Variants in CNGB3 observed in about 807,000 individuals in gnomAD.
The protein encoded by CNGB3 is cyclic nucleotide gated channel subunit beta 3, also known as cyclic nucleotide-gated channel beta-3.
A neutral mutation model predicts 92.8 loss-of-function variants in CNGB3; 86 were observed. The ratio of observed to expected loss-of-function variants is 0.93; its 90% CI spans 0.78 to 1.11. The LOEUF is 1.11. Among genes scored for constraint, CNGB3 ranks in the 50% least tolerant of loss-of-function variants. CNGB3 has a pLI of 0.00. For synonymous variants in CNGB3, 333 were observed against 332.7 expected (o/e 1.00, Z -0.01); for missense variants, 1,026 against 956.8 (o/e 1.07, Z -0.95).
rs552693713 is a variant in CNGB3 at position 86,575,029 on chromosome 8, C to T, written c.*775G>A. 2.1e-4 allele frequency: 32 copies of T among 152,286 alleles called. No homozygotes were observed. The highest frequency in any genetic ancestry group is 2.1e-3 in the Admixed American group (32 of 15,298). The allele number at this position is 152,286 out of a possible 1,614,324, so 9.4% of individuals were successfully genotyped here. Reference sequence around the variant, plus strand: ...GATAAGTGTCACTTTAGCCTGTATCCTCCAGTCCAAGTCCCTTGAGCCAGA... The same window carrying T: ...GATAAGTGTCACTTTAGCCTGTATCTTCCAGTCCAAGTCCCTTGAGCCAGA... On this transcript the variant is annotated 3_prime_UTR_variant, in exon 18 of 18. Coordinates refer to ENST00000320005, the MANE Select transcript of CNGB3 (RefSeq NM_019098.5).
At chr8:86,709,000 G>A (rs1586029533) in intron 3 of CNGB3, among the ~76,000 whole-genome samples, 1 of 152,180 alleles carries the variant, frequency 6.6e-6, no homozygotes, top group East Asian at 1.9e-4. Context: ...GGTCACTCAT[G>A]TGCAGCCCAG....
chr8:86,722,451 G>A (rs1824988801), intron 3 of CNGB3, among the ~76,000 whole-genome samples: 3 of 152,172 alleles, frequency 2.0e-5, no homozygotes. Flanking sequence ...GAGGTGAAGA[G>A]TGGGACCTAT....
rs1554618420 is a variant in CNGB3, at chr8:86,726,611, AG to A, written c.257del (p.Pro86LeufsTer39). On this transcript the variant is annotated frameshift_variant, in exon 3 of 18. Transcript: ENST00000320005. LOFTEE classifies it high-confidence loss of function. ...TTGGTTCTGCTGCATTTTGAGGGTC[AG>A]GGTTTGTGGTCAGATCTCCAGAGGA... ...KNSSGDLTTNPDPQNAAEPTG... is the reference protein window; with the variant it reads ...KNSSGDLTTNXDPQNAAEPTG... 3.1e-6 allele frequency: 5 copies of A among 1,613,836 alleles called. No individual in the cohort carries two copies. The highest frequency in any genetic ancestry group is 4.2e-6 in the Non-Finnish European group (5 of 1,179,794).
At position 86,626,877 on chromosome 8, in the gene CNGB3, G is replaced by A. The variant is rs10087641; in HGVS notation, c.1481-797C>T. On this transcript the variant is annotated intron_variant, in intron 12 of 17. Transcript: ENST00000320005. ...TTTAAAACCTTGTATTTTAAGTTCT[G>A]GGGTACATGTGCAAGTTTGTTATAC... 4.8e-3 allele frequency among the ~76,000 whole-genome samples: 720 copies of A among 151,246 alleles called. 4 individuals are homozygous for A. The highest frequency in any genetic ancestry group is 0.016 in the African/African-American group (661 of 41,156).
Position 86,594,202 on chromosome 8 carries a change from C to T in CNGB3, c.1781+9891G>A, listed in dbSNP as rs149713567. 56 of 276,004 alleles carry T rather than the reference C, an allele frequency of 2.0e-4. 1 individual carries two copies. The highest frequency in any genetic ancestry group is 1.2e-3 in the African/African-American group (54 of 45,100). 17.1% of individuals were successfully genotyped at this position (276,004 alleles called of 1,614,324 possible). On this transcript the variant is annotated intron_variant, in intron 15 of 17. Coordinates refer to ENST00000320005, the MANE Select transcript of CNGB3 (RefSeq NM_019098.5). The stretch of plus-strand genomic sequence containing the variant: ...CCCACTGGGGCTCCCCCAACAGGGC[C>T]AAGACCTTCCCTAGGTCATAGAAGC...
intron 13 of CNGB3, among the ~76,000 whole-genome samples, chr8:86,614,541 T>C (rs981270739): frequency 1.3e-5 from 2 of 152,132 alleles, no homozygotes; most frequent in Non-Finnish European, 2.9e-5. Flanking sequence ...CTGTAGGTAA[T>C]GAAAATGCTT....
At chr8:86,587,131 T>C (rs1456987492) in intron 15 of CNGB3, among the ~76,000 whole-genome samples, 4 of 147,354 alleles carry the variant, frequency 2.7e-5, no homozygotes, top group Non-Finnish European at 6.0e-5. Context: ...TGCATAAATG[T>C]CTTCTTTTGA....
At chr8:86,699,210 C>A (rs1406878768) in intron 3 of CNGB3, among the ~76,000 whole-genome samples, 1 of 152,024 alleles carries the variant, frequency 6.6e-6, no homozygotes, top group African/African-American at 2.4e-5. Flanking sequence ...TTTTAAACTC[C>A]ATCTGTTGCA....
rs114638720 is a variant in CNGB3, at chr8:86,624,486, G to T, written c.1578+1497C>A. ...CAAGCCCCTCCATTAACTGCCGACT[G>T]CCTCAGCCTCCCTTTTTTTTCACTC... On this transcript the variant is annotated intron_variant, in intron 13 of 17. Transcript: ENST00000320005. Among the ~76,000 whole-genome samples the T allele has an allele frequency of 3.2e-3, 492 of 152,248 alleles. 1 individual carries two copies. Among genetic ancestry groups the T allele is most frequent in the African/African-American group, 0.011 (460 of 41,560 alleles).
At chr8:86,627,354 T>A (rs1320030647) in intron 12 of CNGB3, among the ~76,000 whole-genome samples, 1 of 152,118 alleles carries the variant, frequency 6.6e-6, no homozygotes, top group Non-Finnish European at 1.5e-5. Context: ...TCAGATGCCT[T>A]CAAGTAGCTG....
chr8:86,626,635 C>T (rs1467226949), intron 12 of CNGB3, among the ~76,000 whole-genome samples: 2 of 152,160 alleles, frequency 1.3e-5, no homozygotes, highest in African/African-American at 2.4e-5. Flanking sequence ...AAGTGACTTG[C>T]TCCATTGTGC....
At chr8:86,705,001 G>T (rs1368600205) in intron 3 of CNGB3, among the ~76,000 whole-genome samples, 1 of 152,004 alleles carries the variant, frequency 6.6e-6, no homozygotes, top group Non-Finnish European at 1.5e-5. Context: ...TGTAGTAGAG[G>T]GCTGATTGGC....
At chr8:86,684,816 C>T (rs184328051) in intron 3 of CNGB3, among the ~76,000 whole-genome samples, 11 of 152,076 alleles carry the variant, frequency 7.2e-5, no homozygotes, top group South Asian at 2.1e-4. Flanking sequence ...TGGAGAATAG[C>T]GATTGTCAAG....
At chr8:86,594,445 C>A in intron 15 of CNGB3, 1 of 289,850 alleles carries the variant, frequency 3.5e-6, no homozygotes, top group South Asian at 3.1e-5. Context: ...GGTGCATGTT[C>A]ATGAGCTTGT....
intron 9 of CNGB3, 99 bp downstream of exon 9, chr8:86,644,522 CT>C (rs1563738363): frequency 1.4e-5 from 20 of 1,474,556 alleles, no homozygotes; most frequent in South Asian, 2.4e-5. Context: ...AAATTATATC[CT>C]TTTTTTGAAG....
intron 15 of CNGB3, among the ~76,000 whole-genome samples, chr8:86,585,772 C>T (rs912203090): frequency 2.6e-5 from 4 of 151,970 alleles, no homozygotes; most frequent in African/African-American, 9.7e-5. Context: ...CATATTCTTG[C>T]GATAGACACA....
intron 14 of CNGB3, among the ~76,000 whole-genome samples, chr8:86,610,637 T>C (rs899826319): frequency 6.6e-6 from 1 of 152,222 alleles, no homozygotes; most frequent in African/African-American, 2.4e-5. Context: ...CTCTCATCTT[T>C]GTTCGCTTGT....
chr8:86,585,211 T>C (rs1325161513), intron 15 of CNGB3, among the ~76,000 whole-genome samples: 2 of 152,102 alleles, frequency 1.3e-5, no homozygotes, highest in Admixed American at 6.6e-5. Context: ...ACTCAGTAAA[T>C]GTGAGGAACA....
At chr8:86,690,584 T>A (rs1338112007) in intron 3 of CNGB3, among the ~76,000 whole-genome samples, 1 of 152,236 alleles carries the variant, frequency 6.6e-6, no homozygotes, top group Non-Finnish European at 1.5e-5. Context: ...TTGTCAATTT[T>A]GGCTTTTGTT....
Sources: gnomAD v4.1 joint callset for allele counts (sites outside exome capture counted in the v4.1 genomes callset) on GRCh38, gnomAD v4.1.1 for gene constraint, MANE v1.5 for transcripts, NCBI Gene and HGNC (gene_info 2026-07-23, HGNC 2026-07-21) for gene names.